Variants in SND1 observed in about 807,000 individuals in gnomAD.
SND1 encodes the protein staphylococcal nuclease and tudor domain containing 1, also known as staphylococcal nuclease domain-containing protein 1.
SND1 carries 38 observed loss-of-function variants against 121.7 expected under a neutral mutation model. The observed-to-expected ratio is 0.31, with a 90% CI of 0.24 to 0.41. SND1 has a LOEUF of 0.41. Ranked by LOEUF, SND1 falls within the 10% of genes least tolerant of loss-of-function variation. The pLI is 1.00. For missense variants in SND1, 868 were observed against 1,184.6 expected (o/e 0.73, Z 3.92); for synonymous variants, 401 against 447.4 (o/e 0.90, Z 1.31).
At chr7:127,980,447 G>A (rs1802233039) in intron 15 of SND1, among the ~76,000 whole-genome samples, 1 of 152,064 alleles carries the variant, frequency 6.6e-6, no homozygotes, top group Admixed American at 6.5e-5. Flanking sequence ...AAGTTAGTGA[G>A]GTGAAGGACT....
chr7:128,012,493 C>T (rs1233802337), intron 16 of SND1, among the ~76,000 whole-genome samples: 4 of 152,204 alleles, frequency 2.6e-5, no homozygotes, highest in African/African-American at 7.2e-5. Context: ...GTTTGCCAAG[C>T]GGTATTTGCC....
At chr7:127,873,087 A>G (rs889799509) in intron 12 of SND1, among the ~76,000 whole-genome samples, 2 of 152,138 alleles carry the variant, frequency 1.3e-5, no homozygotes, top group African/African-American at 2.4e-5. Context: ...CCGTTCACGG[A>G]TATTTCTAAA....
chr7:127,945,842 A>C (rs1416686513), intron 15 of SND1, among the ~76,000 whole-genome samples: 1 of 152,232 alleles, frequency 6.6e-6, no homozygotes, highest in East Asian at 1.9e-4. Context: ...GCACCATTAC[A>C]CTACAGTCTC....
intron 16 of SND1, among the ~76,000 whole-genome samples, chr7:128,003,315 C>G (rs1391380518): frequency 6.6e-6 from 1 of 152,172 alleles, no homozygotes; most frequent in Non-Finnish European, 1.5e-5. Flanking sequence ...GTCACTGTAG[C>G]AAGAACAGGT....
intron 10 of SND1, among the ~76,000 whole-genome samples, chr7:127,757,475 T>C (rs771466672): frequency 6.6e-6 from 1 of 152,236 alleles, no homozygotes; most frequent in Non-Finnish European, 1.5e-5. Context: ...GATGAATGTT[T>C]AGCTGTGGTT....
chr7:127,722,523 A>G (rs543927634), intron 10 of SND1, among the ~76,000 whole-genome samples: 1 of 152,074 alleles, frequency 6.6e-6, no homozygotes, highest in South Asian at 2.1e-4. Context: ...TACAAAAAGG[A>G]TGGGATAAAA....
intron 9 of SND1, among the ~76,000 whole-genome samples, chr7:127,709,009 A>G (rs1796253712): frequency 6.6e-6 from 1 of 152,204 alleles, no homozygotes; most frequent in Non-Finnish European, 1.5e-5. Flanking sequence ...GCCCAAAGTA[A>G]TAGGTCACAG....
chr7:127,666,066 A>G (rs192510975), intron 1 of SND1, among the ~76,000 whole-genome samples: 211 of 152,334 alleles, frequency 1.4e-3, no homozygotes, highest in African/African-American at 4.7e-3. Context: ...GGCTGCCTCT[A>G]TCACTTAAAA....
chr7:127,969,111 T>A (rs1014807984), intron 15 of SND1, among the ~76,000 whole-genome samples: 7 of 152,168 alleles, frequency 4.6e-5, no homozygotes, highest in Non-Finnish European at 8.8e-5. Context: ...TGCCTGGAGT[T>A]TTGACACTGG....
At chr7:127,776,671 G>A (rs1250641479) in intron 10 of SND1, among the ~76,000 whole-genome samples, 3 of 152,274 alleles carry the variant, frequency 2.0e-5, no homozygotes, top group Non-Finnish European at 2.9e-5. Context: ...AGAAATTAAG[G>A]AGAAGAGAGC....
intron 15 of SND1, among the ~76,000 whole-genome samples, chr7:127,950,536 C>T (rs1801439083): frequency 6.6e-6 from 1 of 152,204 alleles, no homozygotes; most frequent in Non-Finnish European, 1.5e-5. Flanking sequence ...ATGCTATTGT[C>T]TGGGAAGGCC....
intron 10 of SND1, among the ~76,000 whole-genome samples, chr7:127,746,312 G>T (rs1008484525): frequency 6.6e-6 from 1 of 152,184 alleles, no homozygotes; most frequent in Admixed American, 6.5e-5. Flanking sequence ...ACAGGCAGAG[G>T]TCTTAATTCT....
At chr7:127,754,368 G>A (rs992167228) in intron 10 of SND1, among the ~76,000 whole-genome samples, 1 of 152,102 alleles carries the variant, frequency 6.6e-6, no homozygotes, top group African/African-American at 2.4e-5. Flanking sequence ...TTTCCTATAG[G>A]CTTTATGTAG....
chr7:128,070,435 AG>A (rs1175897548), intron 16 of SND1, among the ~76,000 whole-genome samples: 3 of 152,240 alleles, frequency 2.0e-5, no homozygotes, highest in Non-Finnish European at 4.4e-5. Flanking sequence ...GCCTTCTAGC[AG>A]CCTGTGGTAG....
intron 12 of SND1, among the ~76,000 whole-genome samples, chr7:127,870,109 G>C (rs1380221338): frequency 2.0e-5 from 3 of 151,950 alleles, no homozygotes; most frequent in African/African-American, 7.3e-5. Flanking sequence ...ACTATCTCTG[G>C]GTCTCAGTTT....
intron 15 of SND1, among the ~76,000 whole-genome samples, chr7:127,947,200 C>G (rs1433062632): frequency 1.3e-5 from 2 of 152,110 alleles, no homozygotes; most frequent in Non-Finnish European, 2.9e-5. Context: ...GGGCTTCTGT[C>G]AGGCTGAGAT....
intron 12 of SND1, among the ~76,000 whole-genome samples, chr7:127,885,934 T>G (rs1483298071): frequency 6.6e-6 from 1 of 152,128 alleles, no homozygotes; most frequent in Non-Finnish European, 1.5e-5. Context: ...TTACTAGCTC[T>G]TTGATGGGTG....
intron 16 of SND1, among the ~76,000 whole-genome samples, chr7:128,034,727 C>T (rs907886796): frequency 2.0e-5 from 3 of 152,234 alleles, no homozygotes; most frequent in African/African-American, 7.2e-5. Flanking sequence ...AGCTCTACAT[C>T]AGGCTGCTTT....
chr7:127,988,155 C>T (rs1377440241), intron 15 of SND1, among the ~76,000 whole-genome samples: 1 of 152,156 alleles, frequency 6.6e-6, no homozygotes, highest in Non-Finnish European at 1.5e-5. Flanking sequence ...TTGAAAAACG[C>T]CCATCTACAG....
Sources: gnomAD v4.1 joint callset for allele counts (sites outside exome capture counted in the v4.1 genomes callset) on GRCh38, gnomAD v4.1.1 for gene constraint, MANE v1.5 for transcripts, NCBI Gene and HGNC (gene_info 2026-07-23, HGNC 2026-07-21) for gene names.